Variants in LINGO2 observed in about 807,000 individuals in gnomAD.
The protein encoded by LINGO2 is leucine-rich repeat and immunoglobulin-like domain-containing nogo receptor-interacting protein 2.
A neutral mutation model predicts 30.6 loss-of-function variants in LINGO2; 14 were observed. That is an observed-to-expected ratio of 0.46 (90% CI 0.30 to 0.72). The LOEUF (loss-of-function observed/expected upper bound fraction) is 0.72, where lower values mean the gene tolerates loss of function less well. LINGO2 is among the 30% of genes least tolerant of loss of function. The pLI is 0.07. For synonymous variants in LINGO2, 317 were observed against 288.5 expected (o/e 1.10, Z -1.00); for missense variants, 729 against 751.7 (o/e 0.97, Z 0.35).
At chr9:27,970,685 T>C (rs1042647988) in intron 5 of LINGO2, among the ~76,000 whole-genome samples, 2 of 152,118 alleles carry the variant, frequency 1.3e-5, no homozygotes, top group African/African-American at 2.4e-5. Context: ...CTGATCTCCA[T>C]TGTGAGAACT....
intron 4 of LINGO2, among the ~76,000 whole-genome samples, chr9:28,044,354 T>C (rs924347891): frequency 9.9e-5 from 15 of 152,172 alleles, no homozygotes; most frequent in Non-Finnish European, 7.3e-5. Flanking sequence ...ATGAACGTAT[T>C]TCCCCATTAA....
the LINGO2 span, among the ~76,000 whole-genome samples, chr9:28,769,500 ATATATATATATATATATATTTTTTTTTT>A: frequency 2.4e-3 from 13 of 5,514 alleles, 2 homozygotes; most frequent in African/African-American, 5.3e-3. Flanking sequence ...ATATATATAT[ATATATATATATATATATATTTTTTTTTT>A]TTTTTTTTTT....
the LINGO2 span, among the ~76,000 whole-genome samples, chr9:28,844,774 T>C: frequency 0.11 from 16,069 of 151,818 alleles, 1,061 homozygotes; most frequent in African/African-American, 0.14. Context: ...TATTCATAGC[T>C]TTTATTTCAG....
the LINGO2 span, among the ~76,000 whole-genome samples, chr9:28,821,225 G>T: frequency 1.3e-5 from 2 of 152,224 alleles, no homozygotes; most frequent in African/African-American, 4.8e-5. Context: ...GGGTCCTCCG[G>T]TTATATTTAA....
chr9:28,891,689 C>G, the LINGO2 span, among the ~76,000 whole-genome samples: 1 of 151,852 alleles, frequency 6.6e-6, no homozygotes. Flanking sequence ...AGAAGCCATT[C>G]CTTAACATCT....
chr9:28,476,721 A>G (rs1825745874), intron 1 of LINGO2, among the ~76,000 whole-genome samples: 2 of 152,186 alleles, frequency 1.3e-5, no homozygotes, highest in Admixed American at 6.5e-5. Context: ...GGAAGGAGAC[A>G]AGACTTGCTG....
intron 1 of LINGO2, among the ~76,000 whole-genome samples, chr9:28,589,293 C>A (rs538159127): frequency 1.3e-5 from 2 of 152,180 alleles, no homozygotes; most frequent in East Asian, 3.9e-4. Flanking sequence ...GTTGGAAGTT[C>A]TGGCCAGGGC....
the LINGO2 span, among the ~76,000 whole-genome samples, chr9:28,845,092 G>A: frequency 6.6e-6 from 1 of 151,840 alleles, no homozygotes; most frequent in African/African-American, 2.4e-5. Context: ...GTCTCAAACA[G>A]GTCAGCCCAA....
At chr9:29,162,575 G>A in the LINGO2 span, among the ~76,000 whole-genome samples, 1 of 152,016 alleles carries the variant, frequency 6.6e-6, no homozygotes, top group African/African-American at 2.4e-5. Context: ...ATGAAGTAAT[G>A]AATCAATGGA....
chr9:27,967,588 A>G (rs1407204800), intron 5 of LINGO2, among the ~76,000 whole-genome samples: 2 of 152,066 alleles, frequency 1.3e-5, no homozygotes, highest in East Asian at 3.9e-4. Flanking sequence ...TTATGCTTCT[A>G]TTTTTTGTTT....
chr9:28,800,762 A>G, the LINGO2 span, among the ~76,000 whole-genome samples: 1 of 152,212 alleles, frequency 6.6e-6, no homozygotes, highest in African/African-American at 2.4e-5. Context: ...TGCCAGTCTG[A>G]AAATGATATC....
At chr9:28,644,628 G>A (rs57794553) in intron 1 of LINGO2, among the ~76,000 whole-genome samples, 4,437 of 151,710 alleles carry the variant, frequency 0.029, 166 homozygotes, top group African/African-American at 0.075. Flanking sequence ...ATTTGATAGT[G>A]CAACAGGTGA....
intron 5 of LINGO2, among the ~76,000 whole-genome samples, chr9:27,991,122 TACAC>T (rs1198781611): frequency 6.6e-6 from 1 of 151,990 alleles, no homozygotes; most frequent in Non-Finnish European, 1.5e-5. Flanking sequence ...AAGGAAAAAT[TACAC>T]AAACCTTAAT....
At chr9:28,038,213 C>G (rs891600599) in intron 4 of LINGO2, among the ~76,000 whole-genome samples, 4 of 138,050 alleles carry the variant, frequency 2.9e-5, no homozygotes, top group East Asian at 4.4e-4. Context: ...CATGCCAGGA[C>G]AGTTATCATG....
At chr9:28,046,711 C>T (rs866812265) in intron 4 of LINGO2, among the ~76,000 whole-genome samples, 4 of 152,094 alleles carry the variant, frequency 2.6e-5, no homozygotes, top group Admixed American at 1.3e-4. Flanking sequence ...GTTCCCACCT[C>T]TCAACCATTT....
chr9:28,691,331 G>T, the LINGO2 span, among the ~76,000 whole-genome samples: 11 of 152,032 alleles, frequency 7.2e-5, no homozygotes, highest in Non-Finnish European at 1.2e-4. Context: ...TTATTTTCCT[G>T]CTCGCTCACC....
intron 1 of LINGO2, among the ~76,000 whole-genome samples, chr9:28,637,180 T>C (rs1485192947): frequency 1.3e-5 from 2 of 152,180 alleles, no homozygotes; most frequent in Non-Finnish European, 2.9e-5. Context: ...CATTGGTCTA[T>C]ATCTCTGTTT....
the LINGO2 span, among the ~76,000 whole-genome samples, chr9:29,089,678 A>G: frequency 0.23 from 35,265 of 151,902 alleles, 4,591 homozygotes; most frequent in African/African-American, 0.35. Context: ...GGTGGTAGGA[A>G]ATATAATTTG....
At chr9:29,101,380 A>G in the LINGO2 span, among the ~76,000 whole-genome samples, 2 of 152,234 alleles carry the variant, frequency 1.3e-5, no homozygotes, top group Non-Finnish European at 2.9e-5. Flanking sequence ...AACAGGAATC[A>G]TAGACATACA....
Sources: allele counts gnomAD v4.1 joint callset (sites outside exome capture counted in the v4.1 genomes callset), GRCh38; gene constraint gnomAD v4.1.1; transcripts MANE v1.5; gene names NCBI Gene and HGNC (gene_info 2026-07-23, HGNC 2026-07-21).